Variants in CHL1 observed in about 807,000 individuals in gnomAD.
The protein encoded by CHL1 is cell adhesion molecule L1 like.
A neutral mutation model predicts 141.9 loss-of-function variants in CHL1; 96 were observed. The ratio of observed to expected loss-of-function variants is 0.68; its 90% CI spans 0.57 to 0.80. The LOEUF (loss-of-function observed/expected upper bound fraction) is 0.80. Ranked by LOEUF, CHL1 falls within the 30% of genes least tolerant of loss-of-function variation. CHL1 has a pLI of 0.00. For synonymous variants in CHL1, 613 were observed against 502.2 expected, an observed-to-expected ratio of 1.22 and a Z score of -2.95; for missense variants, 1,820 against 1,457.2, an observed-to-expected ratio of 1.25 and a Z score of -4.05.
Position 289,006 on chromosome 3 carries a change from T to C in CHL1, c.-94-30677T>C, listed in dbSNP as rs150918741. On this transcript the variant is annotated intron_variant, in intron 2 of 27. Transcript: ENST00000256509. Reference sequence around the variant, plus strand: ...TTCTTTCAGATACTTTTAATCAACATTTCTTCCTTTGGAAAACAGGTCAAA... The same window carrying C: ...TTCTTTCAGATACTTTTAATCAACACTTCTTCCTTTGGAAAACAGGTCAAA... 2.6e-5 allele frequency among the ~76,000 whole-genome samples: 4 copies of C among 152,308 alleles called. No homozygotes were observed. The East Asian group carries it at 7.7e-4, about 29-fold the overall frequency.
rs1295894041 is a variant in CHL1 at position 408,436 on chromosome 3, C to T, written c.*2725C>T. On this transcript the variant is annotated 3_prime_UTR_variant, in exon 28 of 28. Transcript: ENST00000256509. ...CATAAACATTAGGCAGGTTGCTTAACCTTTTTATTTCAAACTCTCTCAACT... is the reference window on the plus strand; with the variant it reads ...CATAAACATTAGGCAGGTTGCTTAATCTTTTTATTTCAAACTCTCTCAACT... 1 of 152,076 alleles carries T rather than the reference C, an allele frequency of 6.6e-6. No homozygotes were observed. Among genetic ancestry groups the T allele is most frequent in the Admixed American group, 6.6e-5 (1 of 15,242 alleles). The allele number at this position is 152,076 out of a possible 1,614,324, so 9.4% of individuals were successfully genotyped here. A position where few individuals can be genotyped will look rare whatever the true frequency, so the allele number is the denominator to read the frequency against.
chr3:259,324 G>C (rs549389420), intron 2 of CHL1, among the ~76,000 whole-genome samples: 1 of 147,840 alleles, frequency 6.8e-6, no homozygotes, highest in East Asian at 2.1e-4. Flanking sequence ...GTGTGCATGC[G>C]TGTGTGTGTG....
intron 5 of CHL1, among the ~76,000 whole-genome samples, chr3:336,612 G>C (rs1433519764): frequency 6.6e-6 from 1 of 152,130 alleles, no homozygotes; most frequent in African/African-American, 2.4e-5. Context: ...TACAGAAAAA[G>C]GTAAAGATAT....
chr3:320,142 A>T (rs1700448539), intron 3 of CHL1, among the ~76,000 whole-genome samples: 1 of 151,994 alleles, frequency 6.6e-6, no homozygotes, highest in African/African-American at 2.4e-5. Flanking sequence ...ATTTTTCCAT[A>T]TGTCTTGGAT....
intron 27 of CHL1, among the ~76,000 whole-genome samples, chr3:404,071 C>G (rs549501225): frequency 1.3e-5 from 2 of 152,314 alleles, no homozygotes; most frequent in South Asian, 4.1e-4. Context: ...TTATGTGTCC[C>G]ACAGAGATTG....
rs533783961 is a variant in CHL1, at chr3:228,194, G to C, written c.-174-16419G>C. 4.4e-4 allele frequency among the ~76,000 whole-genome samples: 67 copies of C among 152,234 alleles called. No homozygotes were observed. In the South Asian group the frequency reaches 0.013, roughly 31 times the overall value. ...TCTTAAAAACAATATGTTTTTTAAG[G>C]ACAATTTTAATTCAATTAAGTGTGC... On this transcript the variant is annotated intron_variant, in intron 1 of 27. Coordinates refer to ENST00000256509, the MANE Select transcript of CHL1 (RefSeq NM_006614.4).
At chr3:315,257 G>C (rs1225741486) in intron 2 of CHL1, among the ~76,000 whole-genome samples, 1 of 152,128 alleles carries the variant, frequency 6.6e-6, no homozygotes. Flanking sequence ...GTACAGCTGA[G>C]TGAGCAGGCT....
At chr3:251,875 C>A (rs990116103) in intron 2 of CHL1, among the ~76,000 whole-genome samples, 2 of 152,062 alleles carry the variant, frequency 1.3e-5, no homozygotes, top group African/African-American at 4.8e-5. Flanking sequence ...TGTTTAATTT[C>A]CCATTATGGT....
intron 2 of CHL1, among the ~76,000 whole-genome samples, chr3:263,633 A>G (rs903254329): frequency 6.6e-6 from 1 of 152,160 alleles, no homozygotes; most frequent in African/African-American, 2.4e-5. Context: ...TCTAGCTTTG[A>G]TTTATTCACA....
chr3:304,716 A>G (rs1311523969), intron 2 of CHL1, among the ~76,000 whole-genome samples: 3 of 151,976 alleles, frequency 2.0e-5, no homozygotes, highest in Non-Finnish European at 2.9e-5. Flanking sequence ...GATTTTTTGA[A>G]GGGTTTTTCG....
intron 2 of CHL1, among the ~76,000 whole-genome samples, chr3:268,496 C>T (rs1203546246): frequency 6.6e-6 from 1 of 151,972 alleles, no homozygotes; most frequent in African/African-American, 2.4e-5. Context: ...GATTGCGCCA[C>T]TGCAGTCCAG....
chr3:202,429 T>C (rs1575591591), intron 1 of CHL1, among the ~76,000 whole-genome samples: 1 of 152,222 alleles, frequency 6.6e-6, no homozygotes, highest in East Asian at 1.9e-4. Context: ...CCAATAATGA[T>C]TGCTTCACAT....
intron 1 of CHL1, among the ~76,000 whole-genome samples, chr3:221,307 A>T (rs1414614456): frequency 6.6e-6 from 1 of 151,986 alleles, no homozygotes; most frequent in African/African-American, 2.4e-5. Flanking sequence ...ACAGAATTTG[A>T]CTCTTTTCAT....
intron 1 of CHL1, among the ~76,000 whole-genome samples, chr3:215,984 C>G (rs1319778562): frequency 6.6e-6 from 1 of 152,046 alleles, no homozygotes; most frequent in Non-Finnish European, 1.5e-5. Flanking sequence ...CAACTGCAAG[C>G]CTAAACCATT....
chr3:344,856 G>T lies in CHL1; in HGVS notation c.848+147G>T, dbSNP rs986552911. 6.6e-6 allele frequency: 5 copies of T among 753,918 alleles called. No homozygotes were observed. In the African/African-American group the frequency reaches 7.2e-5, roughly 11 times the overall value. 46.7% of individuals were successfully genotyped at this position (753,918 alleles called of 1,614,324 possible). On this transcript the variant is annotated intron_variant, in intron 9 of 27. Transcript: ENST00000256509. ...TTCTGCCGGGCACTGCAGATATTCT[G>T]CTCAGGACTGTTATTCCAGGTACTT...
intron 2 of CHL1, among the ~76,000 whole-genome samples, chr3:294,790 G>A (rs147330857): frequency 2.0e-5 from 3 of 152,094 alleles, no homozygotes; most frequent in African/African-American, 7.2e-5. Flanking sequence ...AACTGCGGTC[G>A]ACCACAATTC....
chr3:284,029 A>G lies in CHL1; in HGVS notation c.-94-35654A>G, dbSNP rs538866557. Among the ~76,000 whole-genome samples the G allele has an allele frequency of 2.0e-5, 3 of 152,352 alleles. No homozygotes were observed. In the South Asian group the frequency reaches 6.2e-4, roughly 32 times the overall value. ...CATCCACCCATTTATTATTCAACAA[A>G]CACTTACTATGTACCAATTATCCAC... On this transcript the variant is annotated intron_variant, in intron 2 of 27. Coordinates refer to ENST00000256509, the MANE Select transcript of CHL1 (RefSeq NM_006614.4).
chr3:351,461 A>C (rs1227071420), intron 10 of CHL1, among the ~76,000 whole-genome samples: 1 of 152,080 alleles, frequency 6.6e-6, no homozygotes, highest in East Asian at 1.9e-4. Flanking sequence ...TTTTTTTCTA[A>C]AGTGTGGAGG....
intron 2 of CHL1, among the ~76,000 whole-genome samples, chr3:245,911 A>C (rs1693119119): frequency 6.6e-6 from 1 of 152,196 alleles, no homozygotes; most frequent in South Asian, 2.1e-4. Context: ...TTAGATCTTC[A>C]CTTGGGAACT....
Sources: gnomAD v4.1 joint callset for allele counts (sites outside exome capture counted in the v4.1 genomes callset) on GRCh38, gnomAD v4.1.1 for gene constraint, MANE v1.5 for transcripts, NCBI Gene and HGNC (gene_info 2026-07-23, HGNC 2026-07-21) for gene names.